EML4: variants seen among roughly 807,000 people sequenced by gnomAD.
EML4 encodes echinoderm microtubule-associated protein-like 4.
EML4 carries 72 observed loss-of-function variants against 129.0 expected under a neutral mutation model. The ratio of observed to expected loss-of-function variants is 0.56; its 90% CI spans 0.46 to 0.68. EML4 has a LOEUF of 0.68. EML4 is among the 30% of genes least tolerant of loss of function. The pLI is 0.00. For missense variants in EML4, 1,363 were observed against 1,190.6 expected, an observed-to-expected ratio of 1.14 and a Z score of -2.13; for synonymous variants, 532 against 405.0, an observed-to-expected ratio of 1.31 and a Z score of -3.77.
At chr2:42,289,932 A>AAAAAAAAAC in intron 11 of EML4, 1 of 150,404 alleles carries the variant, frequency 6.6e-6, no homozygotes, top group African/African-American at 2.4e-5. Context: ...AAAAAAAAAA[A>AAAAAAAAAC]AAAAAATAGC....
chr2:42,268,110 C>G (rs1269051030), intron 6 of EML4, among the ~76,000 whole-genome samples: 5 of 152,146 alleles, frequency 3.3e-5, no homozygotes, highest in Non-Finnish European at 7.4e-5. Flanking sequence ...AAATAGTTAT[C>G]AAGTACAACT....
intron 2 of EML4, among the ~76,000 whole-genome samples, chr2:42,250,350 C>A (rs1052128497): frequency 1.3e-5 from 2 of 152,098 alleles, no homozygotes; most frequent in African/African-American, 4.8e-5. Context: ...AGCTCCTGGT[C>A]CAAATAACAT....
chr2:42,198,865 CAG>C (rs1672049998), intron 1 of EML4, among the ~76,000 whole-genome samples: 1 of 152,204 alleles, frequency 6.6e-6, no homozygotes, highest in Non-Finnish European at 1.5e-5. Context: ...CTGCAGTACC[CAG>C]CAGCCATTGT....
chr2:42,316,275 G>A (rs1422477088), intron 18 of EML4, among the ~76,000 whole-genome samples: 2 of 152,226 alleles, frequency 1.3e-5, no homozygotes, highest in Non-Finnish European at 2.9e-5. Context: ...ATGGACAGCT[G>A]CATTTGCAAT....
Position 42,316,664 on chromosome 2 carries a change from C to G in EML4, c.2056+614C>G, listed in dbSNP as rs147229561. 6.5e-3 allele frequency among the ~76,000 whole-genome samples: 984 copies of G among 152,290 alleles called. 16 individuals carry two copies. Among genetic ancestry groups the G allele is most frequent in the African/African-American group, 0.023 (943 of 41,544 alleles). ...GTTATTAATGTAGCTTTGATTCACA[C>G]CACTCTTCCCTGGAGTTAGTCTGAC... is the stretch of plus-strand genomic sequence containing the variant. On this transcript the variant is annotated intron_variant, in intron 18 of 22. Coordinates refer to ENST00000318522, the MANE Select transcript of EML4 (RefSeq NM_019063.5).
At chr2:42,176,143 A>T (rs370087539) in intron 1 of EML4, among the ~76,000 whole-genome samples, 1 of 151,434 alleles carries the variant, frequency 6.6e-6, no homozygotes, top group Admixed American at 6.6e-5. Flanking sequence ...CTTATTTCCC[A>T]CTGACTGTAT....
At chr2:42,177,772 C>G (rs1176327395) in intron 1 of EML4, among the ~76,000 whole-genome samples, 1 of 152,082 alleles carries the variant, frequency 6.6e-6, no homozygotes, top group Non-Finnish European at 1.5e-5. Flanking sequence ...ATGTGCATGA[C>G]CTGTTAATGG....
At chr2:42,286,442 C>T (rs72798522) in intron 10 of EML4, 63 bp downstream of exon 10, 78,090 of 1,015,304 alleles carry the variant, frequency 0.077, 3,567 homozygotes, top group South Asian at 0.1. Context: ...AAGTTAAGCT[C>T]AGTTTTGTGT....
At chr2:42,290,521 G>A (rs1667577741) in intron 11 of EML4, among the ~76,000 whole-genome samples, 1 of 150,194 alleles carries the variant, frequency 6.7e-6, no homozygotes, top group Non-Finnish European at 1.5e-5. Context: ...GAGTCCAGGA[G>A]TTCGAGACCA....
chr2:42,271,147 G>C (rs1286857900), intron 6 of EML4, among the ~76,000 whole-genome samples: 1 of 152,164 alleles, frequency 6.6e-6, no homozygotes, highest in African/African-American at 2.4e-5. Flanking sequence ...GTCTGCTTCA[G>C]CCTTCCAGAA....
intron 8 of EML4, 55 bp downstream of exon 8, chr2:42,283,027 T>C: frequency 1.3e-6 from 2 of 1,482,244 alleles, no homozygotes; most frequent in Non-Finnish European, 1.8e-6. Context: ...TCATTTTGTA[T>C]TTTTTAAATT....
chr2:42,272,703 A>G (rs974809634), intron 6 of EML4, among the ~76,000 whole-genome samples: 3 of 152,242 alleles, frequency 2.0e-5, no homozygotes, highest in Non-Finnish European at 4.4e-5. Context: ...AAGTATGTGT[A>G]TAGCAAAAAT....
At chr2:42,216,303 C>G (rs1048967711) in intron 1 of EML4, among the ~76,000 whole-genome samples, 1 of 128,962 alleles carries the variant, frequency 7.8e-6, no homozygotes, top group Non-Finnish European at 1.5e-5. Flanking sequence ...AGTGCAGTGG[C>G]GCGATCTTGG....
Position 42,319,859 on chromosome 2 carries a change from G to A in EML4, c.2154+2335G>A, listed in dbSNP as rs529860073. 2.0e-5 allele frequency: 3 copies of A among 152,198 alleles called. No individual in the cohort carries two copies. In the East Asian group the frequency reaches 5.8e-4, roughly 29 times the overall value. 9.4% of individuals were successfully genotyped at this position (152,198 alleles called of 1,614,324 possible). On this transcript the variant is annotated intron_variant, in intron 19 of 22. Transcript: ENST00000318522. The stretch of plus-strand genomic sequence containing the variant: ...TTTCCTGTTAACTACTCAACATTTA[G>A]GTGACTGTTATAGCTGCAGAAGCAC...
chr2:42,233,254 G>A (rs977734061), intron 1 of EML4, among the ~76,000 whole-genome samples: 4 of 151,480 alleles, frequency 2.6e-5, no homozygotes, highest in Non-Finnish European at 4.4e-5. Flanking sequence ...AAGTGCAAAT[G>A]TAAAGCTTAA....
chr2:42,257,934 C>G (rs547007362), intron 3 of EML4, among the ~76,000 whole-genome samples: 16 of 152,002 alleles, frequency 1.1e-4, no homozygotes, highest in Non-Finnish European at 2.1e-4. Context: ...ACTTTATTAC[C>G]TGTACTCCAC....
At chr2:42,244,757 A>G (rs920944878) in intron 1 of EML4, among the ~76,000 whole-genome samples, 3 of 152,154 alleles carry the variant, frequency 2.0e-5, no homozygotes. Context: ...TCCCTATCTG[A>G]TACATAAAAC....
At chr2:42,319,743 ATTG>A (rs1208828254) in intron 19 of EML4, 15 of 152,340 alleles carry the variant, frequency 9.8e-5, no homozygotes, top group African/African-American at 3.6e-4. Flanking sequence ...ACTTTATAGC[ATTG>A]TTGTAAAGAT....
At chr2:42,327,401 C>A (rs2103841297) in intron 21 of EML4, among the ~76,000 whole-genome samples, 1 of 152,280 alleles carries the variant, frequency 6.6e-6, no homozygotes, top group South Asian at 2.1e-4. Flanking sequence ...TGTATGTTTA[C>A]TCTTTTGAGC....
Sources: allele counts gnomAD v4.1 joint callset (sites outside exome capture counted in the v4.1 genomes callset), GRCh38; gene constraint gnomAD v4.1.1; transcripts MANE v1.5; gene names NCBI Gene and HGNC (gene_info 2026-07-23, HGNC 2026-07-21).